The following KIAA1328 variants were observed in gnomAD, a reference collection of about 807,000 sequenced individuals.
KIAA1328 encodes the protein protein hinderin.
In KIAA1328, 52 loss-of-function variants were observed where a neutral mutation model predicts 68.1. The observed-to-expected ratio is 0.76, with a 90% CI of 0.61 to 0.96. The LOEUF (loss-of-function observed/expected upper bound fraction) is 0.96, where lower values mean the gene tolerates loss of function less well. KIAA1328 is among the 40% of genes least tolerant of loss of function. The pLI, the probability that KIAA1328 is intolerant of heterozygous loss-of-function variation, is 0.00. For missense variants in KIAA1328, 641 were observed against 677.6 expected (o/e 0.95, Z 0.60); for synonymous variants, 232 against 239.4 (o/e 0.97, Z 0.28).
intron 6 of KIAA1328, among the ~76,000 whole-genome samples, chr18:37,035,231 A>G (rs139342808): frequency 1.1e-3 from 160 of 152,326 alleles, no homozygotes; most frequent in Non-Finnish European, 2.0e-3. Context: ...TCATGATGCT[A>G]GAAGGTATTT....
At chr18:36,839,618 T>C (rs916897896) in intron 3 of KIAA1328, among the ~76,000 whole-genome samples, 7 of 152,186 alleles carry the variant, frequency 4.6e-5, no homozygotes, top group Admixed American at 3.9e-4. Context: ...TGGTTGTCTT[T>C]TATTGGATGT....
chr18:37,155,963 A>C, intron 7 of KIAA1328, among the ~76,000 whole-genome samples: 1 of 152,196 alleles, frequency 6.6e-6, no homozygotes, highest in East Asian at 1.9e-4. Context: ...TATTTCAGGA[A>C]TCTCTCTTCT....
chr18:36,850,296 G>T (rs1207011268), intron 4 of KIAA1328, among the ~76,000 whole-genome samples: 2 of 151,996 alleles, frequency 1.3e-5, no homozygotes, highest in Non-Finnish European at 2.9e-5. Context: ...CATTGCTAGT[G>T]TAGAGGAACA....
At chr18:36,972,298 G>A (rs954996255) in intron 6 of KIAA1328, among the ~76,000 whole-genome samples, 2 of 152,176 alleles carry the variant, frequency 1.3e-5, no homozygotes, top group African/African-American at 4.8e-5. Context: ...GATACCTTTT[G>A]TAAAACCTAG....
chr18:37,134,495 T>G (rs1217953960), intron 7 of KIAA1328, among the ~76,000 whole-genome samples: 1 of 152,002 alleles, frequency 6.6e-6, no homozygotes, highest in African/African-American at 2.4e-5. Context: ...CTTAGAAAAA[T>G]ATCATTGTTT....
chr18:37,133,247 G>A (rs375749367), intron 7 of KIAA1328, among the ~76,000 whole-genome samples: 105 of 151,788 alleles, frequency 6.9e-4, no homozygotes, highest in African/African-American at 2.4e-3. Flanking sequence ...CAGGAGAATC[G>A]CTTGAACCCG....
At chr18:37,149,929 A>G (rs1230052136) in intron 7 of KIAA1328, among the ~76,000 whole-genome samples, 4 of 152,216 alleles carry the variant, frequency 2.6e-5, no homozygotes, top group Non-Finnish European at 1.5e-5. Context: ...GAAAAAGGAT[A>G]TATCACTATA....
intron 7 of KIAA1328, among the ~76,000 whole-genome samples, chr18:37,151,244 T>C (rs2059022001): frequency 6.6e-6 from 1 of 152,264 alleles, no homozygotes; most frequent in East Asian, 1.9e-4. Context: ...CTCTACATGA[T>C]AACCACAAAA....
intron 7 of KIAA1328, among the ~76,000 whole-genome samples, chr18:37,138,562 A>G (rs1375150720): frequency 6.6e-6 from 1 of 152,208 alleles, no homozygotes; most frequent in Non-Finnish European, 1.5e-5. Flanking sequence ...GTGTCTTTGC[A>G]TAATAAATAC....
Position 37,127,471 on chromosome 18 carries a change from G to A in KIAA1328, c.1233-32729G>A, listed in dbSNP as rs939861567. Among the ~76,000 whole-genome samples, 5 of 152,176 alleles carry A rather than the reference G, an allele frequency of 3.3e-5. No homozygotes were observed. The East Asian group carries it at 5.8e-4, about 18-fold the overall frequency. ...CACCTATAATCCCATCACTTTGGGA[G>A]ATGGAGGCAGGAAGATCCCTTGAGC... On this transcript the variant is annotated intron_variant, in intron 7 of 9. Transcript: ENST00000280020.
chr18:37,063,986 A>G (rs1222667182), intron 6 of KIAA1328, among the ~76,000 whole-genome samples: 2 of 152,230 alleles, frequency 1.3e-5, no homozygotes, highest in East Asian at 1.9e-4. Flanking sequence ...ATAGTTTACC[A>G]TACTAAGTAG....
intron 6 of KIAA1328, among the ~76,000 whole-genome samples, chr18:36,971,298 A>G (rs2052197325): frequency 6.6e-6 from 1 of 152,252 alleles, no homozygotes; most frequent in Non-Finnish European, 1.5e-5. Flanking sequence ...AAAATAATTC[A>G]AGATGAATTA....
chr18:37,177,012 T>C (rs2059608791), intron 9 of KIAA1328, among the ~76,000 whole-genome samples: 2 of 152,250 alleles, frequency 1.3e-5, no homozygotes, highest in African/African-American at 4.8e-5. Flanking sequence ...TGCAGAATTA[T>C]GTATTTCTTC....
intron 1 of KIAA1328, 148 bp downstream of exon 1, chr18:36,829,344 G>T: frequency 7.2e-7 from 1 of 1,390,524 alleles, no homozygotes; most frequent in Non-Finnish European, 9.3e-7. Flanking sequence ...TCTAGGTGCT[G>T]GGCTCTCCCC....
At chr18:37,095,676 G>T (rs1237365103) in intron 7 of KIAA1328, among the ~76,000 whole-genome samples, 3 of 152,018 alleles carry the variant, frequency 2.0e-5, no homozygotes, top group Admixed American at 1.3e-4. Flanking sequence ...TGAAATATGG[G>T]CTAAACAAAA....
At chr18:37,137,344 TCTC>T (rs2058668006) in intron 7 of KIAA1328, among the ~76,000 whole-genome samples, 1 of 151,970 alleles carries the variant, frequency 6.6e-6, no homozygotes, top group Admixed American at 6.6e-5. Flanking sequence ...CAAGGATCCT[TCTC>T]CTTAAAACAA....
chr18:37,159,565 A>G (rs369624405), intron 7 of KIAA1328, among the ~76,000 whole-genome samples: 3 of 152,236 alleles, frequency 2.0e-5, no homozygotes, highest in Non-Finnish European at 4.4e-5. Flanking sequence ...AGAAAATATT[A>G]TAAGAGGAAA....
At chr18:37,059,583 T>G (rs190161626) in intron 6 of KIAA1328, among the ~76,000 whole-genome samples, 1 of 152,328 alleles carries the variant, frequency 6.6e-6, no homozygotes, top group Admixed American at 6.5e-5. Flanking sequence ...GCTTTTACAC[T>G]GCTGGTGGAA....
chr18:37,089,272 A>G (rs1359463732), intron 7 of KIAA1328, among the ~76,000 whole-genome samples: 1 of 146,982 alleles, frequency 6.8e-6, no homozygotes, highest in African/African-American at 2.5e-5. Flanking sequence ...TTCCAGAAAT[A>G]TTTTCTTTGC....
Sources: allele counts gnomAD v4.1 joint callset (sites outside exome capture counted in the v4.1 genomes callset), GRCh38; gene constraint gnomAD v4.1.1; transcripts MANE v1.5; gene names NCBI Gene and HGNC (gene_info 2026-07-23, HGNC 2026-07-21).